The following RNF152 variants were observed in gnomAD, a reference collection of about 807,000 sequenced individuals.
RNF152 encodes the protein ring finger protein 152.
Under a neutral mutation model 12.7 loss-of-function variants are expected in RNF152, and 11 were observed. The ratio of observed to expected loss-of-function variants is 0.86; its 90% confidence interval spans 0.54 to 1.43. RNF152 has a LOEUF of 1.43. Among genes scored for constraint, RNF152 ranks in the 40% most tolerant of loss-of-function variants. The probability of loss-of-function intolerance (pLI) is 0.00; values close to 1 mark genes in which losing one functional copy is unlikely to be tolerated. For synonymous variants in RNF152, 113 were observed against 120.3 expected, an observed-to-expected ratio of 0.94 and a Z score of 0.40; for missense variants, 255 against 274.8, an observed-to-expected ratio of 0.93 and a Z score of 0.51.
In RNF152 at chr18:61,813,994, T is replaced by C. The variant is rs909993128; in HGVS notation, c.*1858A>G. ...ATTTGTTGTATAATGCCCAAGAGCT[T>C]ACACAATAAAATGGCATTTTAACCT... is the stretch of plus-strand genomic sequence containing the variant. On this transcript the variant is annotated 3_prime_UTR_variant, in exon 2 of 2. Transcript: ENST00000312828. The C allele has an allele frequency of 2.6e-5, 4 of 152,248 alleles. No individual in the cohort carries two copies. Among genetic ancestry groups the C allele is most frequent in the Non-Finnish European group, 5.9e-5 (4 of 68,044 alleles). 9.4% of individuals were successfully genotyped at this position (152,248 alleles called of 1,614,324 possible).
chr18:61,884,273 G>A (rs767682182), intron 1 of RNF152, among the ~76,000 whole-genome samples: 8 of 152,108 alleles, frequency 5.3e-5, no homozygotes, highest in Non-Finnish European at 7.3e-5. Flanking sequence ...CTCAGGTCAC[G>A]TGGCAGACGT....
intron 1 of RNF152, among the ~76,000 whole-genome samples, chr18:61,824,906 C>T (rs947418350): frequency 3.3e-5 from 5 of 152,168 alleles, no homozygotes; most frequent in African/African-American, 1.2e-4. Flanking sequence ...GATCCCCAGG[C>T]TCCCTGGAAA....
At chr18:61,836,541 C>T (rs1215219712) in intron 1 of RNF152, among the ~76,000 whole-genome samples, 1 of 152,154 alleles carries the variant, frequency 6.6e-6, no homozygotes, top group Non-Finnish European at 1.5e-5. Context: ...AAGAAAGCGG[C>T]TCTCTGCAAA....
At chr18:61,872,343 T>C (rs897021704) in intron 1 of RNF152, among the ~76,000 whole-genome samples, 3 of 152,114 alleles carry the variant, frequency 2.0e-5, no homozygotes, top group African/African-American at 7.2e-5. Flanking sequence ...CCACATCAGG[T>C]AGCAAACCTG....
chr18:61,858,415 C>T lies in RNF152; in HGVS notation c.-136+34380G>A, dbSNP rs147690691. ...CCTGCCAGCCCTTCCCTCCCCCAAG[C>T]TCTCTGGACCTATCTCCCCTGCAAC... On this transcript the variant is annotated intron_variant, in intron 1 of 1. Transcript: ENST00000312828. Among the ~76,000 whole-genome samples, 1,074 of 152,180 alleles carry T rather than the reference C, an allele frequency of 7.1e-3. 15 individuals carry two copies. Among genetic ancestry groups the T allele is most frequent in the African/African-American group, 0.025 (1,041 of 41,504 alleles).
In RNF152 at chr18:61,873,441, G is replaced by A. The variant is rs149929258; in HGVS notation, c.-136+19354C>T. Among the ~76,000 whole-genome samples, 6 of 152,246 alleles carry A rather than the reference G, an allele frequency of 3.9e-5. No homozygotes were observed. In the East Asian group the frequency reaches 5.8e-4, roughly 15 times the overall value. ...CAACCTCTGCCTCCTGGGTTCAAGC[G>A]ATTCTCCTGCCTCAGCCTCCCAAGT... is the stretch of plus-strand genomic sequence containing the variant. On this transcript the variant is annotated intron_variant, in intron 1 of 1. Coordinates refer to ENST00000312828, the MANE Select transcript of RNF152 (RefSeq NM_173557.3).
At chr18:61,849,818 C>T (rs1685518422) in intron 1 of RNF152, among the ~76,000 whole-genome samples, 1 of 152,130 alleles carries the variant, frequency 6.6e-6, no homozygotes, top group Admixed American at 6.5e-5. Flanking sequence ...CCTCCCGCCT[C>T]AGCCTCCCAA....
At chr18:61,886,513 T>C (rs1471675952) in intron 1 of RNF152, among the ~76,000 whole-genome samples, 4 of 152,226 alleles carry the variant, frequency 2.6e-5, no homozygotes, top group African/African-American at 9.7e-5. Context: ...AAATAGGCTT[T>C]TTGTTACATG....
chr18:61,880,459 C>A (rs1488994845), intron 1 of RNF152, among the ~76,000 whole-genome samples: 4 of 152,208 alleles, frequency 2.6e-5, no homozygotes, highest in African/African-American at 9.6e-5. Flanking sequence ...AGCTCCAGCA[C>A]AAACTCGCCA....
chr18:61,892,175 G>C (rs1011348280), intron 1 of RNF152, among the ~76,000 whole-genome samples: 1 of 152,186 alleles, frequency 6.6e-6, no homozygotes, highest in Non-Finnish European at 1.5e-5. Flanking sequence ...GAGTCTACTG[G>C]TTCATGGCTA....
rs1185632495 is a variant in RNF152 at position 61,812,392 on chromosome 18, T to C, written c.*3460A>G. On this transcript the variant is annotated 3_prime_UTR_variant, in exon 2 of 2. Coordinates refer to ENST00000312828, the MANE Select transcript of RNF152 (RefSeq NM_173557.3). The stretch of plus-strand genomic sequence containing the variant: ...GGTTATACCATCACATGGTTTAACC[T>C]TCAAGGGACCCAATCTGTAAGCCAT... 1 of 152,164 alleles carries C rather than the reference T, an allele frequency of 6.6e-6. No individual in the cohort carries two copies. Among genetic ancestry groups the C allele is most frequent in the Non-Finnish European group, 1.5e-5 (1 of 68,042 alleles). The allele number at this position is 152,164 out of a possible 1,614,324, so 9.4% of individuals were successfully genotyped here.
chr18:61,838,336 G>C (rs1356011079), intron 1 of RNF152, among the ~76,000 whole-genome samples: 2 of 152,130 alleles, frequency 1.3e-5, no homozygotes, highest in Non-Finnish European at 2.9e-5. Context: ...CTTTTCATTT[G>C]CTTTGGTGTG....
At chr18:61,853,767 A>G (rs1434246508) in intron 1 of RNF152, among the ~76,000 whole-genome samples, 4 of 152,034 alleles carry the variant, frequency 2.6e-5, no homozygotes, top group Non-Finnish European at 4.4e-5. Flanking sequence ...TTCAGGATAC[A>G]CTCACCATTT....
rs148017467 is a variant in RNF152 at position 61,863,429 on chromosome 18, G to A, written c.-136+29366C>T. ...CAGCCTGGCAACAGAGTGAGACTCC[G>A]TCTCAAAAAAAAAAAAAAAAAAAAA... On this transcript the variant is annotated intron_variant, in intron 1 of 1. Coordinates refer to ENST00000312828, the MANE Select transcript of RNF152 (RefSeq NM_173557.3). Among the ~76,000 whole-genome samples the A allele has an allele frequency of 9.6e-3, 1,065 of 111,044 alleles. 14 individuals are homozygous for A. The highest frequency in any genetic ancestry group is 0.036 in the African/African-American group (988 of 27,340). The allele number at this position is 111,044 out of a possible 152,430, so 72.8% of individuals were successfully genotyped here. A position where few individuals can be genotyped will look rare whatever the true frequency, so the allele number is the denominator to read the frequency against.
chr18:61,870,237 A>T (rs1376050944), intron 1 of RNF152, among the ~76,000 whole-genome samples: 1 of 152,148 alleles, frequency 6.6e-6, no homozygotes, highest in Non-Finnish European at 1.5e-5. Context: ...TTGGTGGTCA[A>T]ATCCAATTGC....
At chr18:61,854,453 G>A (rs1000467607) in intron 1 of RNF152, among the ~76,000 whole-genome samples, 4 of 152,200 alleles carry the variant, frequency 2.6e-5, no homozygotes, top group Admixed American at 1.3e-4. Context: ...TAACACCGGT[G>A]TCTTCCATGT....
rs1473173281 is a variant in RNF152, at chr18:61,809,752, C to G, written c.*6100G>C. The G allele has an allele frequency of 6.6e-6, 1 of 150,954 alleles. No individual in the cohort carries two copies. Among genetic ancestry groups the G allele is most frequent in the Non-Finnish European group, 1.5e-5 (1 of 67,918 alleles). 9.4% of individuals were successfully genotyped at this position (150,954 alleles called of 1,614,324 possible). ...ATCATAGTATGAATAATATAAAAAA[C>G]CTTAGATTAGAATAATAAAATCGAG... On this transcript the variant is annotated 3_prime_UTR_variant, in exon 2 of 2. Coordinates refer to ENST00000312828, the MANE Select transcript of RNF152 (RefSeq NM_173557.3).
At chr18:61,861,588 ATT>A (rs1402041917) in intron 1 of RNF152, among the ~76,000 whole-genome samples, 1 of 152,208 alleles carries the variant, frequency 6.6e-6, no homozygotes, top group African/African-American at 2.4e-5. Context: ...GTCTTAGTCC[ATT>A]TAGTGTTGCT....
intron 1 of RNF152, among the ~76,000 whole-genome samples, chr18:61,854,819 AT>A (rs1911144952): frequency 6.6e-6 from 1 of 152,200 alleles, no homozygotes; most frequent in Admixed American, 6.5e-5. Context: ...CCAAGCTTAT[AT>A]TTCGCCTATG....
Sources: gnomAD v4.1 joint callset for allele counts (sites outside exome capture counted in the v4.1 genomes callset) on GRCh38, gnomAD v4.1.1 for gene constraint, MANE v1.5 for transcripts, NCBI Gene and HGNC (gene_info 2026-07-23, HGNC 2026-07-21) for gene names.